Variants in LHPP observed in about 807,000 individuals in gnomAD.
The protein encoded by LHPP is phospholysine phosphohistidine inorganic pyrophosphate phosphatase.
A neutral mutation model predicts 30.3 loss-of-function variants in LHPP; 24 were observed. The observed-to-expected ratio is 0.79, with a 90% CI of 0.57 to 1.11. The LOEUF is 1.11. Among genes scored for constraint, LHPP ranks in the 50% most tolerant of loss-of-function variants. LHPP has a pLI of 0.00. For missense variants in LHPP, 356 were observed against 367.2 expected (o/e 0.97, Z 0.25); for synonymous variants, 150 against 157.1 (o/e 0.95, Z 0.34).
intron 5 of LHPP, among the ~76,000 whole-genome samples, chr10:124,507,892 G>T (rs1954190061): frequency 8.2e-6 from 1 of 121,556 alleles, no homozygotes; most frequent in Non-Finnish European, 1.7e-5. Flanking sequence ...AGGATTTCAG[G>T]TCGGGGGGGT....
At chr10:124,465,811 C>T (rs1469988645) in intron 1 of LHPP, among the ~76,000 whole-genome samples, 6 of 152,258 alleles carry the variant, frequency 3.9e-5, no homozygotes, top group African/African-American at 1.4e-4. Flanking sequence ...GATTCACCCA[C>T]CTTGGCCTCC....
chr10:124,595,980 C>A (rs116220498), intron 6 of LHPP, among the ~76,000 whole-genome samples: 1 of 152,144 alleles, frequency 6.6e-6, no homozygotes, highest in Non-Finnish European at 1.5e-5. Flanking sequence ...GGAGCTAGCC[C>A]GTGCCTTCAC....
intron 1 of LHPP, among the ~76,000 whole-genome samples, chr10:124,476,531 C>T (rs966669333): frequency 4.6e-5 from 7 of 152,144 alleles, no homozygotes; most frequent in Admixed American, 2.0e-4. Flanking sequence ...CTGGTGCGCG[C>T]GCCAGGGTGG....
At chr10:124,606,886 C>CCCTGTT (rs1375079411) in intron 6 of LHPP, among the ~76,000 whole-genome samples, 2 of 152,248 alleles carry the variant, frequency 1.3e-5, no homozygotes, top group African/African-American at 4.8e-5. Context: ...AGGCCCCTGC[C>CCCTGTT]CCTGTTCCTG....
intron 6 of LHPP, among the ~76,000 whole-genome samples, chr10:124,573,761 G>A (rs1284646625): frequency 2.0e-5 from 3 of 152,172 alleles, no homozygotes; most frequent in African/African-American, 7.2e-5. Context: ...CCCCATCACT[G>A]AACAGTGTGC....
intron 5 of LHPP, among the ~76,000 whole-genome samples, chr10:124,503,327 A>G (rs1435413483): frequency 6.6e-6 from 1 of 151,986 alleles, no homozygotes; most frequent in Non-Finnish European, 1.5e-5. Flanking sequence ...CGGCCTCCCA[A>G]AGTGCTGGGA....
intron 6 of LHPP, among the ~76,000 whole-genome samples, chr10:124,564,183 G>A (rs2133973700): frequency 6.6e-6 from 1 of 151,950 alleles, no homozygotes; most frequent in South Asian, 2.1e-4. Flanking sequence ...GAGTGCAGTG[G>A]CGCGATCTTG....
At chr10:124,536,885 T>C (rs1203446444) in intron 6 of LHPP, among the ~76,000 whole-genome samples, 1 of 152,174 alleles carries the variant, frequency 6.6e-6, no homozygotes, top group African/African-American at 2.4e-5. Flanking sequence ...CCTCTGCTGC[T>C]GAGAGATGAA....
intron 6 of LHPP, among the ~76,000 whole-genome samples, chr10:124,568,948 C>A (rs1948540226): frequency 2.4e-5 from 1 of 42,548 alleles, no homozygotes; most frequent in African/African-American, 6.0e-5. Context: ...ATGTTCTGTC[C>A]CCCCCACGGC....
chr10:124,463,172 A>C (rs1321790522), intron 1 of LHPP, among the ~76,000 whole-genome samples: 1 of 152,072 alleles, frequency 6.6e-6, no homozygotes, highest in African/African-American at 2.4e-5. Flanking sequence ...CCAGTTGATA[A>C]TATTTTTAAT....
At chr10:124,538,189 G>GGGGTCAGCATGCA (rs1554888805) in intron 6 of LHPP, among the ~76,000 whole-genome samples, 10 of 149,328 alleles carry the variant, frequency 6.7e-5, no homozygotes, top group Non-Finnish European at 9.0e-5. Flanking sequence ...GTCACCATGC[G>GGGGTCAGCATGCA]GGGTCACCAT....
intron 6 of LHPP, among the ~76,000 whole-genome samples, chr10:124,522,729 C>G (rs548267877): frequency 8.7e-5 from 13 of 149,506 alleles, no homozygotes; most frequent in African/African-American, 2.8e-4. Flanking sequence ...CCACGCCCCC[C>G]CCCAAGCACT....
At chr10:124,580,636 C>T (rs976042284) in intron 6 of LHPP, among the ~76,000 whole-genome samples, 14 of 152,070 alleles carry the variant, frequency 9.2e-5, no homozygotes, top group Non-Finnish European at 1.3e-4. Flanking sequence ...TACAATTTAC[C>T]CATCTAAAGT....
chr10:124,585,474 G>T (rs1428829996), intron 6 of LHPP, among the ~76,000 whole-genome samples: 1 of 152,060 alleles, frequency 6.6e-6, no homozygotes, highest in South Asian at 2.1e-4. Context: ...AATTAGCCAG[G>T]CATGGTGGCT....
At chr10:124,583,715 C>T (rs547222860) in intron 6 of LHPP, among the ~76,000 whole-genome samples, 15 of 152,252 alleles carry the variant, frequency 9.9e-5, no homozygotes, top group Non-Finnish European at 1.9e-4. Context: ...TACTCACTAT[C>T]GCAAATATGG....
At chr10:124,582,021 A>C (rs925796298) in intron 6 of LHPP, among the ~76,000 whole-genome samples, 82 of 151,994 alleles carry the variant, frequency 5.4e-4, no homozygotes, top group Admixed American at 1.7e-3. Flanking sequence ...TGACCTCGTG[A>C]TCCACCCACC....
At chr10:124,483,521 C>G (rs1434993459) in intron 1 of LHPP, among the ~76,000 whole-genome samples, 2 of 152,024 alleles carry the variant, frequency 1.3e-5, no homozygotes, top group African/African-American at 4.8e-5. Flanking sequence ...ACCTGTAATC[C>G]CAGCACTTTG....
intron 6 of LHPP, among the ~76,000 whole-genome samples, chr10:124,591,495 G>C (rs1187273206): frequency 1.3e-5 from 2 of 152,144 alleles, no homozygotes; most frequent in Non-Finnish European, 2.9e-5. Context: ...AGGCCATGCA[G>C]GTAGAGAACA....
intron 5 of LHPP, among the ~76,000 whole-genome samples, chr10:124,506,189 C>T (rs966149261): frequency 6.6e-6 from 1 of 151,748 alleles, no homozygotes; most frequent in African/African-American, 2.4e-5. Context: ...GCAGGGGTTG[C>T]AGTGAGCCAA....
Sources: allele counts gnomAD v4.1 joint callset (sites outside exome capture counted in the v4.1 genomes callset), GRCh38; gene constraint gnomAD v4.1.1; transcripts MANE v1.5; gene names NCBI Gene and HGNC (gene_info 2026-07-23, HGNC 2026-07-21).